The following FARSB variants were observed in gnomAD, a reference collection of about 807,000 sequenced individuals.
FARSB encodes the protein phenylalanyl-tRNA synthetase subunit beta, also known as phenylalanine--tRNA ligase beta subunit.
In FARSB, 40 loss-of-function variants were observed where a neutral mutation model predicts 69.6. That is an observed-to-expected ratio of 0.57 (90% CI 0.45 to 0.75). FARSB has a LOEUF of 0.75. Ranked by LOEUF, FARSB falls within the 30% of genes least tolerant of loss-of-function variation. FARSB has a pLI of 0.00. For missense variants in FARSB, 632 were observed against 722.9 expected, an observed-to-expected ratio of 0.87 and a Z score of 1.44; for synonymous variants, 235 against 247.2, an observed-to-expected ratio of 0.95 and a Z score of 0.46.
intron 15 of FARSB, among the ~76,000 whole-genome samples, chr2:222,604,167 G>A (rs540502232): frequency 3.4e-4 from 51 of 150,146 alleles, no homozygotes; most frequent in Admixed American, 2.9e-3. Context: ...GCAGTGAACC[G>A]AGATCACGCC....
At chr2:222,601,476 A>G (rs1690559490) in intron 15 of FARSB, among the ~76,000 whole-genome samples, 1 of 152,048 alleles carries the variant, frequency 6.6e-6, no homozygotes, top group Non-Finnish European at 1.5e-5. Context: ...AAATATAGCC[A>G]TAAGCCAAAA....
At position 222,656,088 on chromosome 2, in the gene FARSB, AC is replaced by A; in HGVS notation, c.-16del. ...ACAGTCGGCATGGTGTGTCGAACTCACTGCGCCTGCGCAGCGAGCTGACCCG... is the reference window on the plus strand; with the variant it reads ...ACAGTCGGCATGGTGTGTCGAACTCATGCGCCTGCGCAGCGAGCTGACCCG... On this transcript the variant is annotated 5_prime_UTR_variant, in exon 1 of 17. It adds an upstream start codon to the 5' untranslated region. Transcript: ENST00000281828. 6.3e-7 allele frequency: 1 copy of A among 1,574,924 alleles called. No individual in the cohort carries two copies. Among genetic ancestry groups the A allele is most frequent in the Non-Finnish European group, 8.6e-7 (1 of 1,159,398 alleles).
At chr2:222,606,095 C>T (rs1432457928) in intron 15 of FARSB, among the ~76,000 whole-genome samples, 1 of 152,110 alleles carries the variant, frequency 6.6e-6, no homozygotes, top group Non-Finnish European at 1.5e-5. Context: ...ATTAAGCCCA[C>T]CGTAATAATT....
intron 16 of FARSB, among the ~76,000 whole-genome samples, chr2:222,578,615 G>A (rs970368929): frequency 9.2e-5 from 14 of 152,208 alleles, no homozygotes; most frequent in Non-Finnish European, 1.6e-4. Context: ...AACGCGGGAA[G>A]ATCACGAGGT....
intron 13 of FARSB, 82 bp downstream of exon 13, chr2:222,623,568 T>C (rs908401857): frequency 3.5e-6 from 3 of 846,372 alleles, no homozygotes; most frequent in Admixed American, 3.5e-5. Context: ...ATTTTATAAA[T>C]TCTTATAAAG....
intron 2 of FARSB, among the ~76,000 whole-genome samples, chr2:222,644,856 C>G (rs1691808377): frequency 6.6e-6 from 1 of 151,884 alleles, no homozygotes. Context: ...CTCTTTCTGT[C>G]TCAGAATTTC....
At chr2:222,613,730 G>T in intron 15 of FARSB, 81 bp downstream of exon 15, 1 of 867,820 alleles carries the variant, frequency 1.2e-6, no homozygotes, top group South Asian at 1.5e-5. Context: ...TATTTTTTCT[G>T]CTTTTATGTA....
chr2:222,575,543 C>T (rs2106174826), intron 16 of FARSB, among the ~76,000 whole-genome samples: 1 of 152,310 alleles, frequency 6.6e-6, no homozygotes, highest in East Asian at 1.9e-4. Context: ...TGCTCCCCAG[C>T]AAAAAGCCTC....
chr2:222,604,634 C>T (rs977268772), intron 15 of FARSB, among the ~76,000 whole-genome samples: 1 of 152,014 alleles, frequency 6.6e-6, no homozygotes, highest in Non-Finnish European at 1.5e-5. Context: ...TGGCTCATTG[C>T]AGCCTTGACT....
At chr2:222,587,033 TC>T (rs1690133502) in intron 16 of FARSB, among the ~76,000 whole-genome samples, 1 of 152,110 alleles carries the variant, frequency 6.6e-6, no homozygotes, top group Admixed American at 6.6e-5. Context: ...GAACTCTCCA[TC>T]CCAAATCAAC....
chr2:222,588,235 T>C (rs1412157014), intron 16 of FARSB, among the ~76,000 whole-genome samples: 1 of 152,138 alleles, frequency 6.6e-6, no homozygotes, highest in Middle Eastern at 3.2e-3. Flanking sequence ...TAATCCAGCA[T>C]ATAAACAGAA....
intron 1 of FARSB, among the ~76,000 whole-genome samples, chr2:222,651,009 CT>C (rs779725566): frequency 6.6e-6 from 1 of 152,158 alleles, no homozygotes; most frequent in Non-Finnish European, 1.5e-5. Context: ...TGGTGTACTG[CT>C]GTAACAAAAA....
chr2:222,585,687 G>C (rs1384382700), intron 16 of FARSB, among the ~76,000 whole-genome samples: 1 of 152,188 alleles, frequency 6.6e-6, no homozygotes, highest in East Asian at 1.9e-4. Context: ...TGACCTGATG[G>C]AGCTGAAAAC....
At chr2:222,637,995 A>T (rs1691628995) in intron 5 of FARSB, among the ~76,000 whole-genome samples, 1 of 152,148 alleles carries the variant, frequency 6.6e-6, no homozygotes, top group South Asian at 2.1e-4. Context: ...ACAAACAAAC[A>T]AACAAAAAGA....
At chr2:222,603,134 G>A (rs1020466900) in intron 15 of FARSB, among the ~76,000 whole-genome samples, 5 of 152,092 alleles carry the variant, frequency 3.3e-5, no homozygotes, top group South Asian at 2.1e-4. Flanking sequence ...TCTGGAGACC[G>A]CTGCTCTAAC....
At chr2:222,655,918 C>A in intron 1 of FARSB, 98 bp downstream of exon 1, 1 of 1,022,352 alleles carries the variant, frequency 9.8e-7, no homozygotes. Flanking sequence ...GGAGCCAAAA[C>A]CTTCAGGAAG....
intron 4 of FARSB, among the ~76,000 whole-genome samples, chr2:222,640,001 T>A (rs1006306610): frequency 1.3e-5 from 2 of 152,246 alleles, no homozygotes; most frequent in African/African-American, 4.8e-5. Context: ...ATTTCATTAA[T>A]GTTCCACAAT....
At position 222,631,391 on chromosome 2, in the gene FARSB, A is replaced by G. The variant is rs148721116; in HGVS notation, c.786+213T>C. Among the ~76,000 whole-genome samples the G allele has an allele frequency of 1.4e-3, 220 of 152,342 alleles. 1 individual carries two copies. Among genetic ancestry groups the G allele is most frequent in the Admixed American group, 0.013 (193 of 15,304 alleles). On this transcript the variant is annotated intron_variant, in intron 8 of 16. Coordinates refer to ENST00000281828, the MANE Select transcript of FARSB (RefSeq NM_005687.5). Reference sequence around the variant, plus strand: ...CTCATTATTAAATTCTTGGCACTGGAAAGACATTTGGTGCTCACTAAACAT... The same window carrying G: ...CTCATTATTAAATTCTTGGCACTGGGAAGACATTTGGTGCTCACTAAACAT...
At chr2:222,626,868 C>G (rs889771152) in intron 10 of FARSB, among the ~76,000 whole-genome samples, 1 of 151,934 alleles carries the variant, frequency 6.6e-6, no homozygotes, top group Non-Finnish European at 1.5e-5. Flanking sequence ...CCCATCTCTA[C>G]TAAAAATACA....
Sources: allele counts gnomAD v4.1 joint callset (sites outside exome capture counted in the v4.1 genomes callset), GRCh38; gene constraint gnomAD v4.1.1; transcripts MANE v1.5; gene names NCBI Gene and HGNC (gene_info 2026-07-23, HGNC 2026-07-21).